Variants in RAPGEF6 observed in about 807,000 individuals in gnomAD.
RAPGEF6 encodes Rap guanine nucleotide exchange factor 6.
Under a neutral mutation model 171.4 loss-of-function variants are expected in RAPGEF6, and 56 were observed. The ratio of observed to expected loss-of-function variants is 0.33; its 90% confidence interval spans 0.26 to 0.41. The LOEUF is 0.41. Among genes scored for constraint, RAPGEF6 ranks in the 10% least tolerant of loss-of-function variants. The probability of loss-of-function intolerance (pLI) is 1.00; values close to 1 mark genes in which losing one functional copy is unlikely to be tolerated. For missense variants in RAPGEF6, 1,674 were observed against 1,921.4 expected, an observed-to-expected ratio of 0.87 and a Z score of 2.41; for synonymous variants, 692 against 650.1, an observed-to-expected ratio of 1.06 and a Z score of -0.98.
intron 1 of RAPGEF6, among the ~76,000 whole-genome samples, chr5:131,630,044 G>A (rs1216865019): frequency 3.9e-5 from 6 of 152,236 alleles, no homozygotes; most frequent in Admixed American, 2.6e-4. Context: ...AGAAGTTACT[G>A]TAGGTAAAAT....
chr5:131,571,749 A>G (rs1762302490), intron 4 of RAPGEF6, among the ~76,000 whole-genome samples: 1 of 152,208 alleles, frequency 6.6e-6, no homozygotes, highest in African/African-American at 2.4e-5. Flanking sequence ...CAAAGAACAT[A>G]TGAAAACAAA....
intron 19 of RAPGEF6, among the ~76,000 whole-genome samples, chr5:131,457,266 T>C (rs571416550): frequency 1.4e-3 from 212 of 152,320 alleles, no homozygotes; most frequent in Middle Eastern, 0.014. Flanking sequence ...AGACAGGGTT[T>C]CACCATGTTG....
At chr5:131,593,852 A>G (rs1280553753) in intron 3 of RAPGEF6, among the ~76,000 whole-genome samples, 1 of 152,244 alleles carries the variant, frequency 6.6e-6, no homozygotes, top group African/African-American at 2.4e-5. Context: ...TGCATGAACA[A>G]AGAGATTATC....
chr5:131,518,051 C>T (rs1233079288), intron 7 of RAPGEF6, among the ~76,000 whole-genome samples: 3 of 151,684 alleles, frequency 2.0e-5, no homozygotes, highest in African/African-American at 7.3e-5. Context: ...TAAAAACTAC[C>T]CACAAACCCA....
chr5:131,542,862 A>C (rs944090960), intron 6 of RAPGEF6, among the ~76,000 whole-genome samples: 3 of 152,322 alleles, frequency 2.0e-5, no homozygotes, highest in South Asian at 2.1e-4. Context: ...ATGGCCAAAA[A>C]ATAGGAAATA....
At chr5:131,578,912 T>C (rs1329921160) in intron 4 of RAPGEF6, among the ~76,000 whole-genome samples, 1 of 152,184 alleles carries the variant, frequency 6.6e-6, no homozygotes, top group African/African-American at 2.4e-5. Context: ...CTTGCTTGCT[T>C]ATATCCAGCC....
chr5:131,561,091 C>T (rs1264240124), intron 5 of RAPGEF6, among the ~76,000 whole-genome samples: 1 of 151,674 alleles, frequency 6.6e-6, no homozygotes. Flanking sequence ...AAAAAGCAAG[C>T]TGTGTTCTTG....
chr5:131,492,373 C>T (rs1460620997), intron 14 of RAPGEF6, among the ~76,000 whole-genome samples: 1 of 152,132 alleles, frequency 6.6e-6, no homozygotes, highest in Non-Finnish European at 1.5e-5. Flanking sequence ...CATGTTATTT[C>T]TGGCCATACT....
chr5:131,502,481 A>G (rs891087026), intron 11 of RAPGEF6, among the ~76,000 whole-genome samples: 3 of 152,224 alleles, frequency 2.0e-5, no homozygotes, highest in Non-Finnish European at 4.4e-5. Context: ...TAACTTCACC[A>G]TTGGTAGGAC....
At chr5:131,603,133 T>A in intron 3 of RAPGEF6, 138 bp downstream of exon 3, 1 of 649,260 alleles carries the variant, frequency 1.5e-6, no homozygotes, top group Non-Finnish European at 2.7e-6. Flanking sequence ...ATTCTATGTA[T>A]GTTATATACT....
chr5:131,483,995 C>T (rs1174532681), intron 15 of RAPGEF6, among the ~76,000 whole-genome samples: 2 of 148,642 alleles, frequency 1.3e-5, no homozygotes, highest in South Asian at 2.2e-4. Flanking sequence ...ACTCGGGAAG[C>T]TGAGGCAGGA....
chr5:131,463,299 T>C lies in RAPGEF6; in HGVS notation c.2480+742A>G, dbSNP rs572563167. On this transcript the variant is annotated intron_variant, in intron 18 of 27. Coordinates refer to ENST00000509018, the MANE Select transcript of RAPGEF6 (RefSeq NM_016340.6). ...ACCAAAAAGATTATTCTCAGAGTGG[T>C]TGAGTGTGGTAGCTCACACTCGTAA... 2.0e-5 allele frequency among the ~76,000 whole-genome samples: 3 copies of C among 152,208 alleles called. No homozygotes were observed. The South Asian group carries it at 6.2e-4, about 32-fold the overall frequency.
intron 5 of RAPGEF6, among the ~76,000 whole-genome samples, chr5:131,552,457 G>A (rs910819371): frequency 3.3e-5 from 5 of 151,102 alleles, no homozygotes; most frequent in African/African-American, 1.2e-4. Context: ...TTACAAAAAT[G>A]CAACTTTTTT....
chr5:131,483,877 G>A (rs1554074519), intron 15 of RAPGEF6, among the ~76,000 whole-genome samples: 1 of 151,952 alleles, frequency 6.6e-6, no homozygotes, highest in Non-Finnish European at 1.5e-5. Context: ...GAGGCAGGTG[G>A]ATCATGAGGT....
chr5:131,581,626 T>C (rs1762967374), intron 4 of RAPGEF6, among the ~76,000 whole-genome samples: 1 of 152,026 alleles, frequency 6.6e-6, no homozygotes, highest in Non-Finnish European at 1.5e-5. Context: ...CACCCCTCCA[T>C]ACCGCCCCCA....
At chr5:131,427,425 T>A (rs1751443493) in intron 27 of RAPGEF6, 134 bp from the exon 28 acceptor site, 1 of 696,578 alleles carries the variant, frequency 1.4e-6, no homozygotes, top group Admixed American at 2.8e-5. Context: ...CAGATTTTAT[T>A]ATAATAATAC....
intron 21 of RAPGEF6, 111 bp from the exon 22 acceptor site, chr5:131,446,814 T>C: frequency 9.9e-7 from 1 of 1,006,582 alleles, no homozygotes; most frequent in Non-Finnish European, 1.5e-6. Flanking sequence ...CTGATGTAAA[T>C]GAGTTAAAAG....
At chr5:131,544,440 A>AC (rs561766908) in intron 6 of RAPGEF6, among the ~76,000 whole-genome samples, 3,102 of 151,708 alleles carry the variant, frequency 0.02, 104 homozygotes, top group African/African-American at 0.07. Flanking sequence ...AAAGAAGCCC[A>AC]CCCCCCCAAA....
Position 131,586,757 on chromosome 5 carries a change from A to G in RAPGEF6, c.281+5626T>C, listed in dbSNP as rs542849990. Among the ~76,000 whole-genome samples the G allele has an allele frequency of 2.1e-4, 32 of 152,354 alleles. 1 individual carries two copies. In the South Asian group the frequency reaches 5.8e-3, roughly 28 times the overall value. ...AAAACTTTAAAGTAAAAAGACTTGT[A>G]TTACTAAGTGTTGGTTAGAATGTGG... On this transcript the variant is annotated intron_variant, in intron 4 of 27. Transcript: ENST00000509018.
Sources: gnomAD v4.1 joint callset for allele counts (sites outside exome capture counted in the v4.1 genomes callset) on GRCh38, gnomAD v4.1.1 for gene constraint, MANE v1.5 for transcripts, NCBI Gene and HGNC (gene_info 2026-07-23, HGNC 2026-07-21) for gene names.